LYG2: variants seen among roughly 807,000 people sequenced by gnomAD.
LYG2 encodes the protein lysozyme g2, also known as lysozyme g-like protein 2.
Under a neutral mutation model 22.4 loss-of-function variants are expected in LYG2, and 25 were observed. That is an observed-to-expected ratio of 1.12 (90% confidence interval 0.81 to 1.56). LYG2 has a LOEUF of 1.56. Ranked by LOEUF, LYG2 falls within the 40% of genes most tolerant of loss-of-function variation. LYG2 has a pLI of 0.00. For missense variants in LYG2, 266 were observed against 269.5 expected (o/e 0.99, Z 0.09); for synonymous variants, 88 against 97.0 (o/e 0.91, Z 0.55).
At chr2:99,246,587 G>T in intron 4 of LYG2, 93 bp downstream of exon 4, 1 of 1,426,392 alleles carries the variant, frequency 7.0e-7, no homozygotes, top group South Asian at 1.3e-5. Flanking sequence ...TCATAATGAT[G>T]ATTATACCTT....
chr2:99,256,490 G>A (rs1053555551), upstream of LYG2, among the ~76,000 whole-genome samples: 21 of 152,278 alleles, frequency 1.4e-4, no homozygotes, highest in African/African-American at 2.6e-4. Context: ...CATTGTGCCC[G>A]TGACCCACTT....
upstream of LYG2, among the ~76,000 whole-genome samples, chr2:99,257,844 A>C (rs2105277621): frequency 6.6e-6 from 1 of 152,276 alleles, no homozygotes. Context: ...TTCAATGGGA[A>C]AGTTTAAGCA....
chr2:99,255,964 G>A (rs1338379964), upstream of LYG2, among the ~76,000 whole-genome samples: 8 of 152,286 alleles, frequency 5.3e-5, no homozygotes, highest in East Asian at 1.9e-4. Flanking sequence ...TGGAAGGGAC[G>A]TTCTTGAAAC....
chr2:99,248,828 C>T (rs1053936838), intron 3 of LYG2, among the ~76,000 whole-genome samples: 2 of 151,390 alleles, frequency 1.3e-5, no homozygotes, highest in African/African-American at 4.8e-5. Flanking sequence ...AAGAAGGGCA[C>T]CATAACAATT....
At chr2:99,244,261 T>C in intron 5 of LYG2, 124 bp from the exon 6 acceptor site, 1 of 923,864 alleles carries the variant, frequency 1.1e-6, no homozygotes, top group Non-Finnish European at 1.6e-6. Flanking sequence ...GAGTCAATTC[T>C]ATTGTTCTTT....
intron 3 of LYG2, 36 bp from the exon 4 acceptor site, chr2:99,246,856 G>A (rs759144062): frequency 6.3e-7 from 1 of 1,593,666 alleles, no homozygotes; most frequent in Non-Finnish European, 8.5e-7. Context: ...TGAATCCTCT[G>A]AGAAGATATT....
chr2:99,245,308 A>C lies in LYG2; in HGVS notation c.335T>G (p.Leu112Arg). 6.2e-7 allele frequency: 1 copy of C among 1,612,190 alleles called. No individual in the cohort carries two copies. Among genetic ancestry groups the C allele is most frequent in the Non-Finnish European group, 8.5e-7 (1 of 1,179,026 alleles). The change falls in exon 5 of 7, where the codon CTG becomes CGG. Residue 112 changes from leucine (L) to arginine (R), a missense_variant. By Grantham distance (102) the Leu-to-Arg change is moderately radical. Coordinates refer to ENST00000333017, the MANE Select transcript of LYG2 (RefSeq NM_175735.4). ...ISRESHGGSV[L>R]QDGWDHRGLK... ...TCCCCTGTGGTCCCAGCCGTCTTGCAGGACAGATCCGCCATGGCTTTCCCT... is the reference window on the plus strand; with the variant it reads ...TCCCCTGTGGTCCCAGCCGTCTTGCCGGACAGATCCGCCATGGCTTTCCCT...
chr2:99,254,744 A>T (rs569444464), intron 2 of LYG2, among the ~76,000 whole-genome samples: 1 of 152,136 alleles, frequency 6.6e-6, no homozygotes, highest in African/African-American at 2.4e-5. Flanking sequence ...ATCATAGCTC[A>T]CTATGGCCTC....
upstream of LYG2, among the ~76,000 whole-genome samples, chr2:99,260,666 A>G (rs1441805766): frequency 6.6e-6 from 1 of 152,212 alleles, no homozygotes; most frequent in Non-Finnish European, 1.5e-5. Flanking sequence ...ATATAATCAA[A>G]TGCTGTAGAA....
intron 2 of LYG2, among the ~76,000 whole-genome samples, 187 bp downstream of exon 2, chr2:99,254,833 G>A (rs1376848624): frequency 2.0e-5 from 3 of 152,112 alleles, no homozygotes; most frequent in African/African-American, 7.2e-5. Flanking sequence ...CCATGCCTGG[G>A]TGTTTCCATT....
intron 3 of LYG2, among the ~76,000 whole-genome samples, chr2:99,248,788 AC>A (rs2094021397): frequency 6.6e-6 from 1 of 151,472 alleles, no homozygotes; most frequent in African/African-American, 2.4e-5. Context: ...TTCAAAAAAA[AC>A]CAATTTGCCT....
chr2:99,259,519 C>T (rs1255224813), upstream of LYG2, among the ~76,000 whole-genome samples: 1 of 152,102 alleles, frequency 6.6e-6, no homozygotes, highest in Non-Finnish European at 1.5e-5. Context: ...GAAAAAGGGA[C>T]TCCCTGTGGT....
intron 3 of LYG2, 107 bp downstream of exon 3, chr2:99,254,111 G>T: frequency 1.0e-6 from 1 of 967,754 alleles, no homozygotes; most frequent in South Asian, 1.3e-5. Flanking sequence ...CAGAATGAGA[G>T]CCCACTCTTC....
chr2:99,251,234 A>T (rs999233764), intron 3 of LYG2, among the ~76,000 whole-genome samples: 1 of 152,170 alleles, frequency 6.6e-6, no homozygotes, highest in Middle Eastern at 3.2e-3. Flanking sequence ...ATGGAATCAT[A>T]AAAAAGAAGA....
chr2:99,256,827 T>C (rs1248521926), upstream of LYG2, among the ~76,000 whole-genome samples: 3 of 152,192 alleles, frequency 2.0e-5, no homozygotes, highest in South Asian at 2.1e-4. Flanking sequence ...ACTCAAGCTG[T>C]GAGAGAACAA....
rs2094023986 is a variant in LYG2, at chr2:99,250,372, TC to T, written c.44-3553del. Among the ~76,000 whole-genome samples the T allele has an allele frequency of 4.8e-5, 7 of 145,502 alleles. No individual in the cohort carries two copies. In the South Asian group the frequency reaches 1.5e-3, roughly 32 times the overall value. ...CATCATTATAACAGCATTTTCCAAC[TC>T]TTTTTTTTTTTTTTTTTTTGAGACA... On this transcript the variant is annotated intron_variant, in intron 3 of 6. Coordinates refer to ENST00000333017, the MANE Select transcript of LYG2 (RefSeq NM_175735.4).
rs764598906 is a variant in LYG2, at chr2:99,242,292, C to T, written c.*72G>A. The T allele has an allele frequency of 4.9e-5, 37 of 752,136 alleles. No homozygotes were observed. The highest frequency in any genetic ancestry group is 7.2e-5 in the Non-Finnish European group (32 of 443,332). 46.6% of individuals were successfully genotyped at this position (752,136 alleles called of 1,614,324 possible). On this transcript the variant is annotated 3_prime_UTR_variant, in exon 7 of 7. Transcript: ENST00000333017. ...ATTTCTTTGCCAGTGTTGTATACAACACATTCACGTAAAACTCTCAAAGGC... is the reference window on the plus strand; with the variant it reads ...ATTTCTTTGCCAGTGTTGTATACAATACATTCACGTAAAACTCTCAAAGGC...
chr2:99,249,887 C>A (rs909958677), intron 3 of LYG2, among the ~76,000 whole-genome samples: 4 of 151,764 alleles, frequency 2.6e-5, no homozygotes, highest in Non-Finnish European at 5.9e-5. Context: ...CTCCCTGATT[C>A]ACTCTTGCAG....
In LYG2 at chr2:99,245,270, A is replaced by T; in HGVS notation, c.373T>A (p.Leu125Met). Residue 125 changes from leucine (L) to methionine (M), a missense_variant, in exon 5 of 7, where the codon TTG (leucine) becomes ATG (methionine). Leu to Met is a conservative substitution (Grantham distance 15). Transcript: ENST00000333017. Reference protein sequence around the residue: ...GWDHRGLKFGLMQLDKQTYHP... With the variant: ...GWDHRGLKFGMMQLDKQTYHP... ...AGTTTCTAGCTAAATACCTGCATCA[A>T]GCCAAATTTAAGTCCCCTGTGGTCC... 6.2e-7 allele frequency: 1 copy of T among 1,604,516 alleles called. No homozygotes were observed. Among genetic ancestry groups the T allele is most frequent in the Non-Finnish European group, 8.5e-7 (1 of 1,174,784 alleles).
Sources: gnomAD v4.1 joint callset for allele counts (sites outside exome capture counted in the v4.1 genomes callset) on GRCh38, gnomAD v4.1.1 for gene constraint, MANE v1.5 for transcripts, NCBI Gene and HGNC (gene_info 2026-07-23, HGNC 2026-07-21) for gene names.